Variants in UBA5 observed in about 807,000 individuals in gnomAD.
The protein encoded by UBA5 is ubiquitin like modifier activating enzyme 5.
Under a neutral mutation model 52.9 loss-of-function variants are expected in UBA5, and 28 were observed. The observed-to-expected ratio is 0.53, with a 90% confidence interval of 0.39 to 0.73. The LOEUF is 0.73. Ranked by LOEUF, UBA5 falls within the 30% of genes least tolerant of loss-of-function variation. The pLI, the probability that UBA5 is intolerant of heterozygous loss-of-function variation, is 0.00. For synonymous variants in UBA5, 135 were observed against 162.1 expected (o/e 0.83, Z 1.27); for missense variants, 388 against 492.7 (o/e 0.79, Z 2.01).
upstream of UBA5, chr3:132,659,422 G>C: frequency 1.3e-6 from 1 of 748,822 alleles, no homozygotes; most frequent in East Asian, 3.1e-5. Context: ...CCTCCAATTG[G>C]GAAGCCCCCA....
At chr3:132,670,839 TTTA>T in intron 5 of UBA5, 123 bp from the exon 6 acceptor site, 1 of 548,748 alleles carries the variant, frequency 1.8e-6, no homozygotes, top group Non-Finnish European at 3.2e-6. Context: ...ATATTACATA[TTTA>T]TTATGTAATA....
Position 132,676,351 on chromosome 3 carries a change from G to A in UBA5, c.1132-92G>A. ...AGAAAATTTACTTTATAACCTTGTT[G>A]AGCATGGTCAAAACTTGCTGATTAT... On this transcript the variant is annotated intron_variant, in intron 11 of 11. Transcript: ENST00000356232. The surrounding 1 kb of genome is among the most constrained non-coding windows in gnomAD (Gnocchi z 4.1). 1.0e-6 allele frequency: 1 copy of A among 972,570 alleles called. No individual in the cohort carries two copies. The highest frequency in any genetic ancestry group is 1.5e-5 in the South Asian group (1 of 66,780). The allele number at this position is 972,570 out of a possible 1,614,324, so 60.2% of individuals were successfully genotyped here. A position where few individuals can be genotyped will look rare whatever the true frequency, so the allele number is the denominator to read the frequency against.
chr3:132,675,483 A>G (rs1196227216), intron 9 of UBA5, 100 bp downstream of exon 9: 2 of 1,515,890 alleles, frequency 1.3e-6, no homozygotes, highest in African/African-American at 1.4e-5. Flanking sequence ...TATTCACCAT[A>G]CTTCAAAAAT....
At position 132,665,860 on chromosome 3, in the gene UBA5, G is replaced by A. The variant is rs61748106; in HGVS notation, c.199G>A (p.Asp67Asn). The A allele has an allele frequency of 1.3e-4, 215 of 1,613,336 alleles. No homozygotes were observed. In the African/African-American group the frequency reaches 2.2e-3, roughly 17 times the overall value. Residue 67 changes from aspartate (D) to asparagine (N), a missense_variant, in exon 2 of 12, where the codon GAC (aspartate) becomes AAC (asparagine). This residue lies in a region of UBA5 where 95 missense variants were observed against 107.0 expected (regional missense o/e 0.89). Transcript: ENST00000356232. ...MALKRMGIVS[D>N]YEKIRTFAVA... is the part of the protein sequence containing the mutation. ...ATTGAAACGAATGGGAATTGTAAGCGACTATGAGGTATGATAAACCCTTTC... is the reference window on the plus strand; with the variant it reads ...ATTGAAACGAATGGGAATTGTAAGCAACTATGAGGTATGATAAACCCTTTC...
chr3:132,676,003 T>C lies in UBA5; in HGVS notation c.1131+80T>C. 2 of 964,002 alleles carry C rather than the reference T, an allele frequency of 2.1e-6. No individual in the cohort carries two copies. The highest frequency in any genetic ancestry group is 3.1e-6 in the Non-Finnish European group (2 of 648,456). The allele number at this position is 964,002 out of a possible 1,614,324, so 59.7% of individuals were successfully genotyped here. A position where few individuals can be genotyped will look rare whatever the true frequency, so the allele number is the denominator to read the frequency against. ...TCTTCATTCTAATTTGTAATGCCAA[T>C]GAAGTATTTCCTGTTTTAGATATTT... On this transcript the variant is annotated intron_variant, in intron 11 of 11. Coordinates refer to ENST00000356232, the MANE Select transcript of UBA5 (RefSeq NM_024818.6). The surrounding 1 kb of genome is among the most constrained non-coding windows in gnomAD (Gnocchi z 4.1).
chr3:132,675,259 A>G lies in UBA5; in HGVS notation c.824A>G (p.Asn275Ser). 1 of 1,603,840 alleles carries G rather than the reference A, an allele frequency of 6.2e-7. No homozygotes were observed. The highest frequency in any genetic ancestry group is 8.5e-7 in the Non-Finnish European group (1 of 1,173,368). ...LVQNVLKFLL[N>S]FGTVSFYLGY... ...TTTGATTTTTCTAGGTTTCTGTTAA[A>G]TTTTGGTACTGTTAGTTTTTACCTT... Residue 275 changes from asparagine to serine, a missense_variant, in exon 9 of 12, where the codon AAT becomes AGT. By Grantham distance (46) the Asn-to-Ser change is conservative. Transcript: ENST00000356232.
chr3:132,672,307 G>A (rs1576649414), intron 8 of UBA5, 130 bp downstream of exon 8: 1 of 1,015,740 alleles, frequency 9.8e-7, no homozygotes, highest in Non-Finnish European at 1.4e-6. Context: ...CTTAAATGTA[G>A]TTTTAAATGT....
At position 132,672,102 on chromosome 3, in the gene UBA5, GAGA is replaced by G. The variant is rs766539267; in HGVS notation, c.740_742del (p.Glu247del). ...AATATTGATGAAAAGACTCTGAAAC[GAGA>G]AGGTGTTTGTGCAGCCAGTCTTCCT... On this transcript the variant is annotated inframe_deletion, in exon 8 of 12. Coordinates refer to ENST00000356232, the MANE Select transcript of UBA5 (RefSeq NM_024818.6). 3.7e-6 allele frequency: 6 copies of G among 1,613,946 alleles called. No homozygotes were observed. In the Admixed American group the frequency reaches 8.3e-5, roughly 22 times the overall value.
chr3:132,661,997 A>G (rs1182445375), intron 1 of UBA5, among the ~76,000 whole-genome samples: 1 of 152,240 alleles, frequency 6.6e-6, no homozygotes, highest in Non-Finnish European at 1.5e-5. Flanking sequence ...TTTTTAAAAC[A>G]TTTTAAAATT....
intron 1 of UBA5, among the ~76,000 whole-genome samples, chr3:132,664,475 CCACAG>C (rs1258607927): frequency 7.0e-6 from 1 of 141,938 alleles, no homozygotes; most frequent in Non-Finnish European, 1.5e-5. Context: ...GTTCTTCTAA[CCACAG>C]CAAGAGAGTA....
intron 5 of UBA5, 34 bp from the exon 6 acceptor site, chr3:132,670,931 C>A: frequency 6.6e-7 from 1 of 1,507,272 alleles, no homozygotes; most frequent in Admixed American, 1.7e-5. Flanking sequence ...TATTTTGTGT[C>A]CTGATGTTTT....
upstream of UBA5, chr3:132,659,497 AAAAG>A (rs2107918698): frequency 6.6e-7 from 1 of 1,510,454 alleles, no homozygotes; most frequent in East Asian, 2.3e-5. Context: ...TGACTGCAGG[AAAAG>A]CAATCAGGGT....
intron 8 of UBA5, among the ~76,000 whole-genome samples, chr3:132,674,932 T>C (rs919309855): frequency 1.3e-5 from 2 of 152,346 alleles, no homozygotes; most frequent in African/African-American, 4.8e-5. Flanking sequence ...ATCAGCATGC[T>C]TCTTGAAGTT....
intron 8 of UBA5, among the ~76,000 whole-genome samples, chr3:132,672,519 G>C (rs1402166809): frequency 1.3e-5 from 2 of 152,066 alleles, no homozygotes; most frequent in Non-Finnish European, 2.9e-5. Context: ...AACATTAACT[G>C]AATGATTTAA....
chr3:132,657,778 C>G (rs1012913327), upstream of UBA5, among the ~76,000 whole-genome samples: 1 of 151,484 alleles, frequency 6.6e-6, no homozygotes, highest in South Asian at 2.1e-4. Flanking sequence ...AGATTATTGG[C>G]TCTTTAATCC....
At position 132,668,014 on chromosome 3, in the gene UBA5, A is replaced by G. The variant is rs149268459; in HGVS notation, c.298-804A>G. On this transcript the variant is annotated intron_variant, in intron 3 of 11. Transcript: ENST00000356232. ...TTTTTTCTTTTTAGTTTTTTATTGA[A>G]AAGAAAATCCCATTTTTGTTTTTAT... The G allele has an allele frequency of 1.2e-3, 183 of 152,232 alleles. 1 individual carries two copies. Among genetic ancestry groups the G allele is most frequent in the African/African-American group, 3.8e-3 (157 of 41,548 alleles). The allele number at this position is 152,232 out of a possible 1,614,324, so 9.4% of individuals were successfully genotyped here.
chr3:132,660,565 C>G lies in UBA5; in HGVS notation c.28C>G (p.Gln10Glu), dbSNP rs1284641822. 4 of 1,550,176 alleles carry G rather than the reference C, an allele frequency of 2.6e-6. No homozygotes were observed. The South Asian group carries it at 4.8e-5, about 18-fold the overall frequency. Residue 10 changes from glutamine (Q) to glutamate (E), a missense_variant, in exon 1 of 12, where the codon CAG (glutamine) becomes GAG (glutamate). By Grantham distance (29) the Gln-to-Glu change is conservative. This residue lies in a region of UBA5 where 95 missense variants were observed against 107.0 expected (regional missense o/e 0.89). Transcript: ENST00000356232. The surrounding 1 kb of genome is among the most constrained non-coding windows in gnomAD (Gnocchi z 4.1). MAESVERLQQRVQELERELA... is the reference protein window; with the variant it reads MAESVERLQERVQELERELA... ...GGCGGAGTCTGTGGAGCGCCTGCAG[C>G]AGCGGGTCCAGGAGCTGGAGCGGGA...
chr3:132,657,866 CTTTTT>C (rs56190801), upstream of UBA5, among the ~76,000 whole-genome samples: 4 of 119,164 alleles, frequency 3.4e-5, no homozygotes, highest in Non-Finnish European at 5.2e-5. Context: ...ACACATATTC[CTTTTT>C]TTTTTTTTTT....
upstream of UBA5, chr3:132,659,886 G>T: frequency 9.1e-7 from 1 of 1,096,384 alleles, no homozygotes; most frequent in Non-Finnish European, 1.2e-6. Context: ...ACCGCACACA[G>T]CCTACGCGCC....
Sources: gnomAD v4.1 joint callset for allele counts (sites outside exome capture counted in the v4.1 genomes callset) on GRCh38, gnomAD v4.1.1 for gene constraint, gnomAD v4.1.1 regional missense constraint, Gnocchi (gnomAD v3.1) non-coding constraint, MANE v1.5 for transcripts, NCBI Gene and HGNC (gene_info 2026-07-23, HGNC 2026-07-21) for gene names.